FANCA: variants seen among roughly 807,000 people sequenced by gnomAD.
FANCA encodes the protein Fanconi anemia group A protein.
A neutral mutation model predicts 194.3 loss-of-function variants in FANCA; 236 were observed. The ratio of observed to expected loss-of-function variants is 1.21; its 90% CI spans 1.09 to 1.35. The LOEUF is 1.35. Ranked by LOEUF, FANCA falls within the 40% of genes most tolerant of loss-of-function variation. The pLI, the probability that FANCA is intolerant of heterozygous loss-of-function variation, is 0.00. For synonymous variants in FANCA, 1,014 were observed against 715.8 expected (o/e 1.42, Z -6.65); for missense variants, 2,628 against 1,813.9 (o/e 1.45, Z -8.15).
At chr16:89,796,619 C>T (rs1013179446) in intron 10 of FANCA, among the ~76,000 whole-genome samples, 9 of 152,184 alleles carry the variant, frequency 5.9e-5, no homozygotes, top group African/African-American at 2.2e-4. Flanking sequence ...TGTTAGCCTG[C>T]CACATCCCAG....
intron 18 of FANCA, 49 bp downstream of exon 18, chr16:89,779,820 G>A (rs764242221): frequency 6.6e-7 from 1 of 1,512,608 alleles, no homozygotes; most frequent in African/African-American, 1.4e-5. Context: ...TCAGAGCGCG[G>A]TCTGCACACA....
In FANCA at chr16:89,758,626, G is replaced by A. The variant is rs774146374; in HGVS notation, c.2932C>T (p.Gln978Ter). 1.2e-6 allele frequency: 2 copies of A among 1,614,042 alleles called. No homozygotes were observed. The highest frequency in any genetic ancestry group is 1.7e-6 in the Non-Finnish European group (2 of 1,179,918). ...SASGGCDGDLQAACTILVNAL... is the reference protein window; with the variant it reads ...SASGGCDGDL ...TTGACAAGAATGGTACACGCAGCCT[G>A]CAGGTCTCCGTCACAGCCCCCTGAA... The change falls in exon 30 of 43, where the codon CAG becomes TAG. Residue 978 changes from glutamine to a stop codon, truncating the protein, a stop_gained. Coordinates refer to ENST00000389301, the MANE Select transcript of FANCA (RefSeq NM_000135.4). LOFTEE classifies it high-confidence loss of function.
chr16:89,778,719 T>A, intron 20 of FANCA, 82 bp downstream of exon 20: 1 of 1,363,198 alleles, frequency 7.3e-7, no homozygotes, highest in Non-Finnish European at 1.0e-6. Context: ...TCTAACAAAT[T>A]TCTCTACAGA....
In FANCA at chr16:89,784,870, G is replaced by C. The variant is rs760790832; in HGVS notation, c.1454C>G (p.Ser485Cys). The C allele has an allele frequency of 1.2e-6, 2 of 1,613,502 alleles. No homozygotes were observed. Among genetic ancestry groups the C allele is most frequent in the Non-Finnish European group, 1.7e-6 (2 of 1,179,520 alleles). The change falls in exon 15 of 43, where the codon TCT (serine) becomes TGT (cysteine). Residue 485 changes from serine (S) to cysteine (C), a missense_variant. Coordinates refer to ENST00000389301, the MANE Select transcript of FANCA (RefSeq NM_000135.4). ...GCTTCTCACCTGCAGGTACCGGGGA[G>C]ACTCAAAAGGCACGAGTTCTGACAA... ...TFLSELVPFE[S>C]PRYLQVHILH... is the part of the protein sequence containing the mutation.
At chr16:89,742,591 C>T (rs1428875571) in intron 37 of FANCA, among the ~76,000 whole-genome samples, 4 of 143,888 alleles carry the variant, frequency 2.8e-5, no homozygotes, top group African/African-American at 7.9e-5. Context: ...GGGAGGATCA[C>T]GGGGTCAGGA....
intron 27 of FANCA, among the ~76,000 whole-genome samples, chr16:89,765,447 C>A (rs2039095094): frequency 6.6e-6 from 1 of 152,272 alleles, no homozygotes; most frequent in Non-Finnish European, 1.5e-5. Context: ...TGGCTGTGCA[C>A]AGTGCTCCAG....
intron 3 of FANCA, among the ~76,000 whole-genome samples, chr16:89,811,815 C>G (rs1044339539): frequency 6.6e-6 from 1 of 152,146 alleles, no homozygotes; most frequent in African/African-American, 2.4e-5. Flanking sequence ...ACTGCAACCT[C>G]CGCCTCTCAG....
At chr16:89,798,826 A>T in intron 10 of FANCA, 1 of 1,475,670 alleles carries the variant, frequency 6.8e-7, no homozygotes, top group Non-Finnish European at 8.9e-7. Flanking sequence ...CCAGCTCTAG[A>T]GCCTGAATCA....
At chr16:89,759,802 C>T (rs984616724) in intron 29 of FANCA, among the ~76,000 whole-genome samples, 10 of 152,166 alleles carry the variant, frequency 6.6e-5, no homozygotes, top group Non-Finnish European at 1.3e-4. Flanking sequence ...CCATCAATAC[C>T]GCAATCCATT....
rs773687142 is a variant in FANCA, at chr16:89,792,484, G to A, written c.1070C>T (p.Ser357Leu). The A allele has an allele frequency of 2.5e-6, 4 of 1,613,214 alleles. No homozygotes were observed. The South Asian group carries it at 4.4e-5, about 18-fold the overall frequency. ...SFARTHPLLT[S>L]LYRRLFVMLS... ...ACATCCACTCACCCTGCGGTACAGTGAGGTGAGCAGAGGGTGTGTCCGCGC... is the reference window on the plus strand; with the variant it reads ...ACATCCACTCACCCTGCGGTACAGTAAGGTGAGCAGAGGGTGTGTCCGCGC... The change falls in exon 12 of 43, where the codon TCA becomes TTA. Residue 357 changes from serine to leucine, a missense_variant. Transcript: ENST00000389301.
At chr16:89,776,376 C>T (rs17232826) in intron 20 of FANCA, among the ~76,000 whole-genome samples, 9,346 of 151,170 alleles carry the variant, frequency 0.062, 343 homozygotes, top group Non-Finnish European at 0.095. Flanking sequence ...ACCATGTTCA[C>T]CAGGCTGGCC....
chr16:89,799,561 A>G, intron 9 of FANCA, 44 bp downstream of exon 9: 4 of 1,584,680 alleles, frequency 2.5e-6, no homozygotes, highest in Non-Finnish European at 2.6e-6. Flanking sequence ...GCTAATAAGC[A>G]AACTAAGTCA....
intron 36 of FANCA, 109 bp downstream of exon 36, chr16:89,744,850 G>T: frequency 1.0e-6 from 1 of 992,258 alleles, no homozygotes; most frequent in Non-Finnish European, 1.5e-6. Context: ...CACACGAGAG[G>T]CTGCCCACAC....
intron 8 of FANCA, among the ~76,000 whole-genome samples, chr16:89,800,302 A>G (rs906773921): frequency 6.6e-6 from 1 of 152,226 alleles, no homozygotes; most frequent in Admixed American, 6.5e-5. Flanking sequence ...AGAAGGTACC[A>G]TTGTCCATTT....
At position 89,738,930 on chromosome 16, in the gene FANCA, C is replaced by T. The variant is rs2151710814; in HGVS notation, c.4212G>A (p.Leu1404=). The change falls in exon 42 of 43, where the codon CTG becomes CTA. Residue 1404 remains leucine, a synonymous_variant. Transcript: ENST00000389301. The part of the protein sequence containing the change: ...ELITKARLFL[L]QLIPRCPKKS... ...TTTTCGGGCACCGAGGTATTAACTG[C>T]AGCAGAAAAAGACGAGCTTTTGTTA... 1 of 1,614,254 alleles carries T rather than the reference C, an allele frequency of 6.2e-7. No homozygotes were observed. The highest frequency in any genetic ancestry group is 8.5e-7 in the Non-Finnish European group (1 of 1,180,048).
Position 89,784,876 on chromosome 16 carries a change from A to G in FANCA, c.1448T>C (p.Phe483Ser). 6.2e-7 allele frequency: 1 copy of G among 1,614,112 alleles called. No individual in the cohort carries two copies. Among genetic ancestry groups the G allele is most frequent in the Non-Finnish European group, 8.5e-7 (1 of 1,179,942 alleles). ...CACCTGCAGGTACCGGGGAGACTCA[A>G]AAGGCACGAGTTCTGACAAGAACGT... ...LFTFLSELVP[F>S]ESPRYLQVHI... is the part of the protein sequence containing the mutation. Residue 483 changes from phenylalanine (F) to serine (S), a missense_variant, in exon 15 of 43, where the codon TTT (phenylalanine) becomes TCT (serine). Phe to Ser is a radical substitution (Grantham distance 155). Coordinates refer to ENST00000389301, the MANE Select transcript of FANCA (RefSeq NM_000135.4).
chr16:89,751,192 C>T (rs1412933384), intron 31 of FANCA, among the ~76,000 whole-genome samples: 3 of 151,966 alleles, frequency 2.0e-5, no homozygotes, highest in Non-Finnish European at 2.9e-5. Flanking sequence ...CGTGCCTGGC[C>T]GGCTGTATTT....
chr16:89,760,778 C>T (rs957935818), intron 29 of FANCA, among the ~76,000 whole-genome samples: 1 of 152,006 alleles, frequency 6.6e-6, no homozygotes, highest in African/African-American at 2.4e-5. Context: ...GCACCACCTG[C>T]TCCACACCAG....
intron 2 of FANCA, 46 bp downstream of exon 2, chr16:89,815,831 C>T (rs1426662139): frequency 4.1e-6 from 6 of 1,469,628 alleles, no homozygotes; most frequent in Non-Finnish European, 4.8e-6. Flanking sequence ...GACTCAAAAA[C>T]CCCGAACCTA....
Sources: gnomAD v4.1 joint callset for allele counts (sites outside exome capture counted in the v4.1 genomes callset) on GRCh38, gnomAD v4.1.1 for gene constraint, MANE v1.5 for transcripts, NCBI Gene and HGNC (gene_info 2026-07-23, HGNC 2026-07-21) for gene names.